Variants in KCNIP1 observed in about 807,000 individuals in gnomAD.
KCNIP1 encodes A-type potassium channel modulatory protein KCNIP1.
A neutral mutation model predicts 33.0 loss-of-function variants in KCNIP1; 18 were observed. The ratio of observed to expected loss-of-function variants is 0.55; its 90% CI spans 0.38 to 0.81. KCNIP1 has a LOEUF of 0.81. Among genes scored for constraint, KCNIP1 ranks in the 30% least tolerant of loss-of-function variants. KCNIP1 has a pLI of 0.00. For synonymous variants in KCNIP1, 93 were observed against 98.3 expected (o/e 0.95, Z 0.32); for missense variants, 238 against 271.6 (o/e 0.88, Z 0.87).
chr5:170,407,871 C>T (rs1400256662), intron 1 of KCNIP1, among the ~76,000 whole-genome samples: 2 of 137,016 alleles, frequency 1.5e-5, no homozygotes, highest in Non-Finnish European at 3.1e-5. Flanking sequence ...TCTTCAGTGG[C>T]GTAGTGACAG....
chr5:170,492,120 G>C (rs572114077), intron 1 of KCNIP1, among the ~76,000 whole-genome samples: 1 of 152,146 alleles, frequency 6.6e-6, no homozygotes, highest in East Asian at 1.9e-4. Context: ...TAAAGGCCTC[G>C]TCCCACAAAA....
chr5:170,538,294 T>C (rs1030386176), intron 1 of KCNIP1, among the ~76,000 whole-genome samples: 2 of 152,168 alleles, frequency 1.3e-5, no homozygotes, highest in African/African-American at 4.8e-5. Flanking sequence ...GCTGGGCTAA[T>C]AATTAAACAG....
intron 1 of KCNIP1, among the ~76,000 whole-genome samples, chr5:170,694,476 G>T (rs1317091563): frequency 1.3e-5 from 2 of 152,080 alleles, no homozygotes; most frequent in Admixed American, 6.5e-5. Context: ...ATGAGGAGAT[G>T]GTCTCTGTCA....
At chr5:170,559,521 C>G (rs138615952) in intron 1 of KCNIP1, among the ~76,000 whole-genome samples, 7 of 152,210 alleles carry the variant, frequency 4.6e-5, no homozygotes, top group African/African-American at 1.7e-4. Flanking sequence ...AAGTCCAGCA[C>G]AAAAATCCCC....
At chr5:170,430,338 T>C (rs1755713709) in intron 1 of KCNIP1, among the ~76,000 whole-genome samples, 1 of 152,220 alleles carries the variant, frequency 6.6e-6, no homozygotes, top group South Asian at 2.1e-4. Context: ...CAGGTTCTTC[T>C]TGTAACACTG....
At chr5:170,520,910 CAT>C (rs778101909) in intron 1 of KCNIP1, among the ~76,000 whole-genome samples, 3 of 152,196 alleles carry the variant, frequency 2.0e-5, no homozygotes, top group Non-Finnish European at 4.4e-5. Context: ...TTGGATAAGT[CAT>C]CTACTCTCTA....
chr5:170,456,763 G>C (rs1756391511), intron 1 of KCNIP1, among the ~76,000 whole-genome samples: 1 of 98,502 alleles, frequency 1.0e-5, no homozygotes, highest in Non-Finnish European at 2.0e-5. Flanking sequence ...CTGTCACTCA[G>C]GCTGGAGTGC....
intron 1 of KCNIP1, among the ~76,000 whole-genome samples, chr5:170,379,366 T>C (rs987089863): frequency 4.6e-5 from 7 of 152,134 alleles, no homozygotes; most frequent in Non-Finnish European, 1.0e-4. Flanking sequence ...CACAGAGCTA[T>C]CTAAGGAAAC....
At chr5:170,365,447 C>G (rs1234353264) in intron 1 of KCNIP1, among the ~76,000 whole-genome samples, 1 of 152,226 alleles carries the variant, frequency 6.6e-6, no homozygotes, top group East Asian at 1.9e-4. Context: ...ATCCTAAGAA[C>G]AGCCCTCCTC....
At chr5:170,456,474 A>C (rs1426613535) in intron 1 of KCNIP1, among the ~76,000 whole-genome samples, 4 of 152,060 alleles carry the variant, frequency 2.6e-5, no homozygotes, top group African/African-American at 9.7e-5. Context: ...CTTAGAGTAA[A>C]ATTTTTTTAA....
intron 7 of KCNIP1, among the ~76,000 whole-genome samples, chr5:170,735,004 C>A (rs1282555584): frequency 6.6e-6 from 1 of 152,236 alleles, no homozygotes; most frequent in Non-Finnish European, 1.5e-5. Flanking sequence ...TGAGTGGAAG[C>A]AGCCTGAAAC....
intron 1 of KCNIP1, among the ~76,000 whole-genome samples, chr5:170,368,703 TC>T (rs1033740014): frequency 2.0e-5 from 3 of 152,262 alleles, no homozygotes; most frequent in Non-Finnish European, 4.4e-5. Context: ...GCATGAAAGT[TC>T]TGCTTTCACT....
In KCNIP1 at chr5:170,682,784, CTTTTTTTTT is replaced by C. The variant is rs70979196; in HGVS notation, c.62-35957_62-35949del. ...CAACAGCGTCCTATTTTCTTTGTTT[CTTTTTTTTT>C]TTTTTTTTTTTTTTTTGATGAGACA... On this transcript the variant is annotated intron_variant, in intron 1 of 7. Coordinates refer to ENST00000328939, the MANE Select transcript of KCNIP1 (RefSeq NM_014592.4). Among the ~76,000 whole-genome samples the C allele has an allele frequency of 7.3e-4, 52 of 71,394 alleles. 2 individuals carry two copies. The highest frequency in any genetic ancestry group is 8.1e-4 in the South Asian group (1 of 1,230). 46.8% of individuals were successfully genotyped at this position (71,394 alleles called of 152,430 possible).
At chr5:170,680,372 C>T (rs1461631494) in intron 1 of KCNIP1, 4 of 152,248 alleles carry the variant, frequency 2.6e-5, no homozygotes, top group Non-Finnish European at 5.9e-5. Flanking sequence ...TCCTCATTCT[C>T]TCTTTCATTT....
At chr5:170,521,874 G>A (rs1755375538) in intron 1 of KCNIP1, among the ~76,000 whole-genome samples, 1 of 152,212 alleles carries the variant, frequency 6.6e-6, no homozygotes, top group Non-Finnish European at 1.5e-5. Context: ...TTCTTGATGG[G>A]CCAGTAGCCT....
At chr5:170,424,471 C>T (rs1193808207) in intron 1 of KCNIP1, among the ~76,000 whole-genome samples, 1 of 152,062 alleles carries the variant, frequency 6.6e-6, no homozygotes, top group Non-Finnish European at 1.5e-5. Context: ...AGGGTGCATC[C>T]CACCCCGAGG....
At chr5:170,575,013 AAG>A (rs1160375224) in intron 1 of KCNIP1, among the ~76,000 whole-genome samples, 1 of 152,192 alleles carries the variant, frequency 6.6e-6, no homozygotes, top group African/African-American at 2.4e-5. Flanking sequence ...TCCAGGAAAA[AAG>A]AGCCCTGGGA....
At chr5:170,620,637 A>AT (rs1759564919) in intron 1 of KCNIP1, among the ~76,000 whole-genome samples, 1 of 152,156 alleles carries the variant, frequency 6.6e-6, no homozygotes, top group Non-Finnish European at 1.5e-5. Context: ...GATTCTCTCT[A>AT]TTTTTAAAGC....
intron 1 of KCNIP1, among the ~76,000 whole-genome samples, chr5:170,517,615 TA>T: frequency 6.6e-6 from 1 of 151,746 alleles, no homozygotes; most frequent in Non-Finnish European, 1.5e-5. Context: ...ATGATGATGA[TA>T]ATAGTAATGA....
Sources: allele counts gnomAD v4.1 joint callset (sites outside exome capture counted in the v4.1 genomes callset), GRCh38; gene constraint gnomAD v4.1.1; transcripts MANE v1.5; gene names NCBI Gene and HGNC (gene_info 2026-07-23, HGNC 2026-07-21).